NFATC1: variants seen among roughly 807,000 people sequenced by gnomAD.
The protein encoded by NFATC1 is nuclear factor of activated T-cells, cytoplasmic 1.
NFATC1 carries 22 observed loss-of-function variants against 76.0 expected under a neutral mutation model. The ratio of observed to expected loss-of-function variants is 0.29; its 90% CI spans 0.21 to 0.41. The LOEUF is 0.41. NFATC1 is among the 10% of genes least tolerant of loss of function. The probability of loss-of-function intolerance (pLI) is 1.00; values close to 1 mark genes in which losing one functional copy is unlikely to be tolerated. For missense variants in NFATC1, 1,357 were observed against 1,337.7 expected, an observed-to-expected ratio of 1.01 and a Z score of -0.23; for synonymous variants, 704 against 613.1, an observed-to-expected ratio of 1.15 and a Z score of -2.19.
intron 9 of NFATC1, among the ~76,000 whole-genome samples, chr18:79,510,433 A>G (rs1215719547): frequency 6.6e-6 from 1 of 152,200 alleles, no homozygotes; most frequent in Non-Finnish European, 1.5e-5. Flanking sequence ...TTAAATCACA[A>G]TTCCAGGTGA....
intron 2 of NFATC1, among the ~76,000 whole-genome samples, chr18:79,424,242 C>G (rs1302707629): frequency 6.6e-6 from 1 of 152,164 alleles, no homozygotes; most frequent in Non-Finnish European, 1.5e-5. Flanking sequence ...TGCGGGCCCA[C>G]CTGGCCTCTT....
At chr18:79,404,806 G>A (rs182830688) in intron 1 of NFATC1, among the ~76,000 whole-genome samples, 3 of 152,306 alleles carry the variant, frequency 2.0e-5, no homozygotes, top group Non-Finnish European at 2.9e-5. Context: ...TGGGAACTGC[G>A]TGTCGTGAGG....
intron 3 of NFATC1, among the ~76,000 whole-genome samples, chr18:79,447,610 T>C (rs1313893242): frequency 6.6e-6 from 1 of 152,106 alleles, no homozygotes; most frequent in Non-Finnish European, 1.5e-5. Context: ...CGGGCCCCAC[T>C]TGGGGGATGC....
At chr18:79,475,226 G>A (rs1260884714) in intron 8 of NFATC1, among the ~76,000 whole-genome samples, 6 of 148,344 alleles carry the variant, frequency 4.0e-5, no homozygotes, top group Non-Finnish European at 7.4e-5. Context: ...GTAAACCTGA[G>A]GGAAGTGTGT....
At chr18:79,502,396 C>A (rs2090033190) in intron 9 of NFATC1, among the ~76,000 whole-genome samples, 1 of 152,170 alleles carries the variant, frequency 6.6e-6, no homozygotes, top group Admixed American at 6.5e-5. Context: ...ATGAGGAACT[C>A]TTTCAAGACT....
chr18:79,445,800 G>A (rs577886628), intron 3 of NFATC1, among the ~76,000 whole-genome samples: 2 of 152,302 alleles, frequency 1.3e-5, no homozygotes, highest in African/African-American at 4.8e-5. Context: ...CAGACTATGG[G>A]GTGGAGGGTG....
intron 2 of NFATC1, 53 bp from the exon 3 acceptor site, chr18:79,433,526 C>A (rs972387840): frequency 3.7e-6 from 6 of 1,608,864 alleles, no homozygotes; most frequent in Non-Finnish European, 5.1e-6. Context: ...CACGTGTGGC[C>A]CGGGCGAGGT....
chr18:79,513,090 G>A (rs963559824), intron 9 of NFATC1, among the ~76,000 whole-genome samples: 30 of 152,154 alleles, frequency 2.0e-4, no homozygotes, highest in African/African-American at 7.0e-4. Flanking sequence ...TCGAACGCTC[G>A]GCTCTCAATA....
rs969446436 is a variant in NFATC1 at position 79,410,034 on chromosome 18, C to G, written c.128-369C>G. ...AACCCGTGAGGACCCAGTCGCCTCT[C>G]TCTGGGAAGGACGTTCGGATGAAGA... is the stretch of plus-strand genomic sequence containing the variant. On this transcript the variant is annotated intron_variant, in intron 1 of 9. Transcript: ENST00000427363. This position sits in a 1 kb window ranked among gnomAD's most constrained non-coding sequence, Gnocchi z 6.7. 1 of 596,030 alleles carries G rather than the reference C, an allele frequency of 1.7e-6. No homozygotes were observed. The highest frequency in any genetic ancestry group is 3.9e-5 in the East Asian group (1 of 25,708). The allele number at this position is 596,030 out of a possible 1,614,324, so 36.9% of individuals were successfully genotyped here. A position where few individuals can be genotyped will look rare whatever the true frequency, so the allele number is the denominator to read the frequency against.
At chr18:79,406,884 T>C (rs925855907) in intron 1 of NFATC1, among the ~76,000 whole-genome samples, 14 of 152,024 alleles carry the variant, frequency 9.2e-5, no homozygotes, top group African/African-American at 3.4e-4. Context: ...CAGCGCTCCA[T>C]GCGGGGCAGA....
intron 2 of NFATC1, among the ~76,000 whole-genome samples, chr18:79,412,001 A>C (rs1218656830): frequency 6.6e-6 from 1 of 152,232 alleles, no homozygotes; most frequent in Non-Finnish European, 1.5e-5. Context: ...CCTCGGGTGC[A>C]GATGGGACCG....
At chr18:79,486,093 CCTT>C (rs970163616) in intron 8 of NFATC1, among the ~76,000 whole-genome samples, 152 bp from the exon 9 acceptor site, 4 of 145,372 alleles carry the variant, frequency 2.8e-5, no homozygotes, top group African/African-American at 5.5e-5. Flanking sequence ...ATGACTCACG[CCTT>C]TTTTTTTTAA....
chr18:79,439,852 C>T (rs779818697), intron 3 of NFATC1, among the ~76,000 whole-genome samples: 14 of 152,280 alleles, frequency 9.2e-5, no homozygotes, highest in East Asian at 5.8e-4. Flanking sequence ...AAGGTGTTCA[C>T]GGGGCAGATT....
chr18:79,400,212 C>G, intron 1 of NFATC1: 2 of 1,194,680 alleles, frequency 1.7e-6, no homozygotes, highest in Non-Finnish European at 2.1e-6. Flanking sequence ...ACTCGGAAGC[C>G]GGCGGCCGCG....
At chr18:79,411,698 C>G (rs2085692302) in intron 2 of NFATC1, among the ~76,000 whole-genome samples, 197 bp downstream of exon 2, 2 of 152,198 alleles carry the variant, frequency 1.3e-5, no homozygotes, top group South Asian at 2.1e-4. Context: ...GCAGACTTTT[C>G]CTTGTGCGCC....
In NFATC1 at chr18:79,524,698, G is replaced by C. The variant is rs1019297061; in HGVS notation, c.2783-2830G>C. Among the ~76,000 whole-genome samples, 1 of 152,140 alleles carries C rather than the reference G, an allele frequency of 6.6e-6. No individual in the cohort carries two copies. The highest frequency in any genetic ancestry group is 1.5e-5 in the Non-Finnish European group (1 of 68,008). On this transcript the variant is annotated intron_variant, in intron 9 of 9. Coordinates refer to ENST00000427363, the MANE Select transcript of NFATC1 (RefSeq NM_001278669.2). The surrounding 1 kb of genome is among the most constrained non-coding windows in gnomAD (Gnocchi z 7.2). ...CAGCAGCCGCAGACCCAGGCAGAGA[G>C]AGCAAAGGAGGCTGTGGTGGCCCCC...
At chr18:79,453,609 TG>T (rs2087565959) in intron 6 of NFATC1, among the ~76,000 whole-genome samples, 1 of 152,202 alleles carries the variant, frequency 6.6e-6, no homozygotes, top group South Asian at 2.1e-4. Flanking sequence ...CCAGTTTGTC[TG>T]CCCATGTCCT....
In NFATC1 at chr18:79,492,243, G is replaced by A. The variant is rs1034081337; in HGVS notation, c.2782+5306G>A. Among the ~76,000 whole-genome samples the A allele has an allele frequency of 7.9e-5, 12 of 152,224 alleles. 1 individual carries two copies. The highest frequency in any genetic ancestry group is 2.0e-4 in the Admixed American group (3 of 15,298). On this transcript the variant is annotated intron_variant, in intron 9 of 9. Transcript: ENST00000427363. ...TCAGCCGCAGGAACCTAAAGGTCACGCACAGCCCACATCCTGTGCGTCTCA... is the reference window on the plus strand; with the variant it reads ...TCAGCCGCAGGAACCTAAAGGTCACACACAGCCCACATCCTGTGCGTCTCA...
Position 79,520,305 on chromosome 18 carries a change from C to T in NFATC1, c.2783-7223C>T, listed in dbSNP as rs544801795. ...CTCTGCAGATGCCTCCGGAGGGACT[C>T]GGTGTGTCTCGGTGTTGATTTCAGA... On this transcript the variant is annotated intron_variant, in intron 9 of 9. Coordinates refer to ENST00000427363, the MANE Select transcript of NFATC1 (RefSeq NM_001278669.2). Among the ~76,000 whole-genome samples the T allele has an allele frequency of 2.6e-5, 4 of 151,830 alleles. No homozygotes were observed. The East Asian group carries it at 5.9e-4, about 22-fold the overall frequency.
Sources: gnomAD v4.1 joint callset for allele counts (sites outside exome capture counted in the v4.1 genomes callset) on GRCh38, gnomAD v4.1.1 for gene constraint, Gnocchi (gnomAD v3.1) non-coding constraint, MANE v1.5 for transcripts, NCBI Gene and HGNC (gene_info 2026-07-23, HGNC 2026-07-21) for gene names.